Variants in TMEM132B observed in about 807,000 individuals in gnomAD.
TMEM132B encodes transmembrane protein 132B.
A neutral mutation model predicts 90.8 loss-of-function variants in TMEM132B; 18 were observed. The ratio of observed to expected loss-of-function variants is 0.20; its 90% CI spans 0.14 to 0.29. The LOEUF is 0.29. TMEM132B is among the 10% of genes least tolerant of loss of function. The probability of loss-of-function intolerance (pLI) is 1.00; values close to 1 mark genes in which losing one functional copy is unlikely to be tolerated. For missense variants in TMEM132B, 1,096 were observed against 1,326.8 expected (o/e 0.83, Z 2.70); for synonymous variants, 504 against 523.3 (o/e 0.96, Z 0.50).
intron 1 of TMEM132B, among the ~76,000 whole-genome samples, chr12:125,224,003 C>T (rs1873621263): frequency 6.6e-6 from 1 of 152,196 alleles, no homozygotes; most frequent in African/African-American, 2.4e-5. Flanking sequence ...TCTGGAACTC[C>T]TGATCTCAGT....
In TMEM132B at chr12:125,278,495, A is replaced by G. The variant is rs200373924; in HGVS notation, c.68-70957A>G. ...TCTCCATCTTTTTTTTTTTTTTTTA[A>G]GATAAATGGAGTAATATGAGTCATT... On this transcript the variant is annotated intron_variant, in intron 1 of 8. Coordinates refer to ENST00000682704, the MANE Select transcript of TMEM132B (RefSeq NM_001366854.1). Among the ~76,000 whole-genome samples, 26 of 118,662 alleles carry G rather than the reference A, an allele frequency of 2.2e-4. No individual in the cohort carries two copies. In the East Asian group the frequency reaches 5.2e-3, roughly 24 times the overall value. 77.8% of individuals were successfully genotyped at this position (118,662 alleles called of 152,430 possible).
chr12:125,339,246 T>C (rs1265138371), intron 1 of TMEM132B, among the ~76,000 whole-genome samples: 1 of 152,214 alleles, frequency 6.6e-6, no homozygotes, highest in Non-Finnish European at 1.5e-5. Context: ...CAGAAATTTA[T>C]TTTCTCACAA....
chr12:125,328,019 G>A (rs776768145), intron 1 of TMEM132B, among the ~76,000 whole-genome samples: 1 of 152,214 alleles, frequency 6.6e-6, no homozygotes, highest in African/African-American at 2.4e-5. Context: ...TCTTTGGCCC[G>A]TTTGTAAAAC....
chr12:125,351,842 C>T (rs1475171316), intron 2 of TMEM132B, among the ~76,000 whole-genome samples: 1 of 152,208 alleles, frequency 6.6e-6, no homozygotes, highest in East Asian at 1.9e-4. Flanking sequence ...CTGGATTCAT[C>T]TGCTATTATG....
chr12:125,296,806 T>G (rs1167719606), intron 1 of TMEM132B, among the ~76,000 whole-genome samples: 4 of 152,320 alleles, frequency 2.6e-5, no homozygotes, highest in African/African-American at 9.6e-5. Flanking sequence ...CCAGGCTGTC[T>G]GGGCAGGAGG....
chr12:125,186,485 G>A lies in TMEM132B; in HGVS notation c.-315G>A, dbSNP rs1171431520. ...GGATGGGACGGGCGCTGGGGCGCAG[G>A]AGCCGCGGCGGCGGCGGCGGCGGGG... On this transcript the variant is annotated 5_prime_UTR_variant, in exon 1 of 9. Transcript: ENST00000682704. The surrounding 1 kb of genome is among the most constrained non-coding windows in gnomAD (Gnocchi z 6.3). 1.2e-3 allele frequency among the ~76,000 whole-genome samples: 174 copies of A among 146,126 alleles called. No homozygotes were observed. Among genetic ancestry groups the A allele is most frequent in the Middle Eastern group, 3.4e-3 (1 of 292 alleles).
chr12:125,606,996 TCC>T (rs1321761727), intron 5 of TMEM132B, among the ~76,000 whole-genome samples: 2 of 152,128 alleles, frequency 1.3e-5, no homozygotes, highest in Non-Finnish European at 2.9e-5. Flanking sequence ...TCCCTGGAAG[TCC>T]CTGGACTATT....
At chr12:125,525,670 C>A (rs56737548) in intron 4 of TMEM132B, among the ~76,000 whole-genome samples, 2 of 152,258 alleles carry the variant, frequency 1.3e-5, no homozygotes, top group Admixed American at 1.3e-4. Flanking sequence ...AGAAGAAGGA[C>A]CTGTGGTATA....
intron 3 of TMEM132B, among the ~76,000 whole-genome samples, chr12:125,442,564 G>A (rs986566592): frequency 1.3e-5 from 2 of 152,140 alleles, no homozygotes; most frequent in Non-Finnish European, 2.9e-5. Flanking sequence ...TGGGGATTAA[G>A]TAAATAATTT....
chr12:125,455,345 C>T (rs11058179), intron 3 of TMEM132B, among the ~76,000 whole-genome samples: 5,048 of 152,174 alleles, frequency 0.033, 158 homozygotes, highest in Admixed American at 0.099. Context: ...GAGGATAAAG[C>T]CTGGCATTTG....
chr12:125,381,034 G>A (rs1593114223), intron 2 of TMEM132B, among the ~76,000 whole-genome samples: 1 of 152,178 alleles, frequency 6.6e-6, no homozygotes, highest in Non-Finnish European at 1.5e-5. Context: ...AAGAGATACA[G>A]AGAGAGAAAG....
At chr12:125,583,415 C>T (rs372907256) in intron 4 of TMEM132B, among the ~76,000 whole-genome samples, 19 of 152,048 alleles carry the variant, frequency 1.2e-4, no homozygotes, top group African/African-American at 4.3e-4. Context: ...TGTTGTCTTT[C>T]CTAGTTTAAA....
intron 2 of TMEM132B, among the ~76,000 whole-genome samples, chr12:125,384,862 G>T (rs907799602): frequency 2.0e-5 from 3 of 152,268 alleles, no homozygotes; most frequent in Non-Finnish European, 4.4e-5. Context: ...ATGTTGGCTA[G>T]GCTGGTCTTG....
chr12:125,400,595 T>C (rs911969421), intron 2 of TMEM132B, among the ~76,000 whole-genome samples: 6 of 152,218 alleles, frequency 3.9e-5, no homozygotes, highest in Non-Finnish European at 7.3e-5. Flanking sequence ...TGTGGATCCC[T>C]TGGACTCTCT....
Position 125,650,797 on chromosome 12 carries a change from T to A in TMEM132B, c.1758T>A (p.Pro586=). The part of the protein sequence containing the change: ...RVLTQFVAES[P]DLGQLTYMLG... ...TCACCCAGTTTGTGGCCGAGTCACC[T>A]GACTTAGGGCAGCTGACCTACATGC... Residue 586 remains proline (P), a synonymous_variant, in exon 7 of 9, where the codon CCT becomes CCA. Transcript: ENST00000682704. 6.2e-7 allele frequency: 1 copy of A among 1,614,226 alleles called. No individual in the cohort carries two copies. The highest frequency in any genetic ancestry group is 8.5e-7 in the Non-Finnish European group (1 of 1,180,042).
At chr12:125,420,968 A>G (rs1197311571) in intron 3 of TMEM132B, among the ~76,000 whole-genome samples, 2 of 151,430 alleles carry the variant, frequency 1.3e-5, no homozygotes, top group Non-Finnish European at 2.9e-5. Flanking sequence ...TCTCTTTGCT[A>G]AAACATAGCA....
At chr12:125,215,857 C>G (rs1467052598) in intron 1 of TMEM132B, among the ~76,000 whole-genome samples, 1 of 152,214 alleles carries the variant, frequency 6.6e-6, no homozygotes, top group African/African-American at 2.4e-5. Context: ...CTTATAAAGA[C>G]CCTTACACTG....
At chr12:125,306,509 T>G (rs1875973727) in intron 1 of TMEM132B, among the ~76,000 whole-genome samples, 1 of 152,230 alleles carries the variant, frequency 6.6e-6, no homozygotes, top group African/African-American at 2.4e-5. Flanking sequence ...TCCCTACTGC[T>G]GATGGCAATT....
chr12:125,516,276 G>A (rs1456876173), intron 3 of TMEM132B, among the ~76,000 whole-genome samples: 3 of 152,152 alleles, frequency 2.0e-5, no homozygotes, highest in Non-Finnish European at 2.9e-5. Context: ...CCTGAAAGGC[G>A]GTTGTAATTA....
Sources: gnomAD v4.1 joint callset for allele counts (sites outside exome capture counted in the v4.1 genomes callset) on GRCh38, gnomAD v4.1.1 for gene constraint, Gnocchi (gnomAD v3.1) non-coding constraint, MANE v1.5 for transcripts, NCBI Gene and HGNC (gene_info 2026-07-23, HGNC 2026-07-21) for gene names.